The following ABTB3 variants were observed in gnomAD, a reference collection of about 807,000 sequenced individuals.
ABTB3 encodes ankyrin repeat- and BTB/POZ domain-containing protein 3.
the ABTB3 span, among the ~76,000 whole-genome samples, chr12:107,398,221 C>T: frequency 2.0e-5 from 3 of 152,080 alleles, no homozygotes; most frequent in Non-Finnish European, 2.9e-5. Context: ...CAGGGCCAGA[C>T]GCCACACCAC....
the ABTB3 span, among the ~76,000 whole-genome samples, chr12:107,382,581 T>C: frequency 6.6e-6 from 1 of 152,100 alleles, no homozygotes; most frequent in Non-Finnish European, 1.5e-5. Flanking sequence ...GGTTCAGCCA[T>C]AAAAAAGGAT....
the ABTB3 span, among the ~76,000 whole-genome samples, chr12:107,542,639 T>C: frequency 2.0e-5 from 3 of 152,170 alleles, no homozygotes; most frequent in Admixed American, 2.0e-4. Context: ...GTCAAAAATC[T>C]CTGTGTAACT....
the ABTB3 span, among the ~76,000 whole-genome samples, chr12:107,553,513 C>T: frequency 8.1e-3 from 1,226 of 152,156 alleles, 15 homozygotes; most frequent in Non-Finnish European, 0.013. Context: ...TATGCACCAC[C>T]GGGGGAGGAA....
chr12:107,553,738 AGACC>A, the ABTB3 span, among the ~76,000 whole-genome samples: 1 of 152,238 alleles, frequency 6.6e-6, no homozygotes, highest in Non-Finnish European at 1.5e-5. Context: ...CAGGAATTCA[AGACC>A]ATCCTGGCCA....
chr12:107,345,734 C>T, the ABTB3 span, among the ~76,000 whole-genome samples: 1 of 152,122 alleles, frequency 6.6e-6, no homozygotes, highest in African/African-American at 2.4e-5. Flanking sequence ...GTATTTTTCC[C>T]CAAAATTTGA....
chr12:107,416,462 GC>G, the ABTB3 span, among the ~76,000 whole-genome samples: 1 of 152,120 alleles, frequency 6.6e-6, no homozygotes, highest in Non-Finnish European at 1.5e-5. Context: ...AACCCCTGAG[GC>G]CCTGTGATCT....
At chr12:107,323,442 G>A in the ABTB3 span, among the ~76,000 whole-genome samples, 367 of 152,302 alleles carry the variant, frequency 2.4e-3, 6 homozygotes, top group East Asian at 0.049. Context: ...AGGGGCTCTC[G>A]AAAATCACAT....
chr12:107,425,959 C>T, the ABTB3 span, among the ~76,000 whole-genome samples: 6 of 152,232 alleles, frequency 3.9e-5, no homozygotes, highest in African/African-American at 4.8e-5. Flanking sequence ...TGGAGTTCAG[C>T]CTTCTGCAGA....
At chr12:107,594,532 TTTTATC>T in the ABTB3 span, among the ~76,000 whole-genome samples, 3 of 152,204 alleles carry the variant, frequency 2.0e-5, no homozygotes, top group African/African-American at 7.2e-5. Flanking sequence ...GATAATATAA[TTTTATC>T]TTTCTTTCTT....
the ABTB3 span, among the ~76,000 whole-genome samples, chr12:107,350,259 T>C: frequency 1.3e-5 from 2 of 151,910 alleles, no homozygotes; most frequent in Non-Finnish European, 2.9e-5. Context: ...ATGGTAAGAG[T>C]TCATTATTCT....
the ABTB3 span, among the ~76,000 whole-genome samples, chr12:107,559,595 T>C: frequency 1.3e-5 from 2 of 152,186 alleles, no homozygotes; most frequent in Non-Finnish European, 2.9e-5. Context: ...AATAGTGATA[T>C]TGACAGCTGC....
the ABTB3 span, among the ~76,000 whole-genome samples, chr12:107,595,388 A>G: frequency 6.6e-6 from 1 of 152,244 alleles, no homozygotes; most frequent in East Asian, 1.9e-4. Flanking sequence ...GCAAGAAAGC[A>G]GTAGGGAAAT....
the ABTB3 span, among the ~76,000 whole-genome samples, chr12:107,595,580 GA>G: frequency 6.6e-6 from 1 of 152,220 alleles, no homozygotes; most frequent in African/African-American, 2.4e-5. Flanking sequence ...TTGTTGACCA[GA>G]CAGCAGCATT....
At chr12:107,523,903 C>T in the ABTB3 span, among the ~76,000 whole-genome samples, 1 of 152,158 alleles carries the variant, frequency 6.6e-6, no homozygotes, top group South Asian at 2.1e-4. Flanking sequence ...GCCCTCACAC[C>T]ATGTGGCCCA....
the ABTB3 span, among the ~76,000 whole-genome samples, chr12:107,544,402 G>A: frequency 2.6e-5 from 4 of 152,198 alleles, no homozygotes; most frequent in Admixed American, 1.3e-4. Flanking sequence ...CAGAGGGTAA[G>A]GGCCTCTGCA....
chr12:107,359,715 C>T, the ABTB3 span, among the ~76,000 whole-genome samples: 1 of 152,070 alleles, frequency 6.6e-6, no homozygotes, highest in Non-Finnish European at 1.5e-5. Context: ...GTGCAGACCT[C>T]ATTTCTAAAC....
At chr12:107,457,207 C>T in the ABTB3 span, among the ~76,000 whole-genome samples, 1 of 152,188 alleles carries the variant, frequency 6.6e-6, no homozygotes, top group Admixed American at 6.5e-5. Context: ...CAAACCTGAA[C>T]ATTGTTCACA....
the ABTB3 span, chr12:107,642,174 G>A: frequency 6.2e-7 from 1 of 1,613,706 alleles, no homozygotes; most frequent in Non-Finnish European, 8.5e-7. Flanking sequence ...TCTTTCAGGT[G>A]AGCCCCTGGT....
the ABTB3 span, among the ~76,000 whole-genome samples, chr12:107,514,323 C>T: frequency 6.6e-6 from 1 of 152,100 alleles, no homozygotes; most frequent in African/African-American, 2.4e-5. Flanking sequence ...GACCCATAAA[C>T]CCTTTGGAGA....
Sources: allele counts gnomAD v4.1 joint callset (sites outside exome capture counted in the v4.1 genomes callset), GRCh38; gene constraint gnomAD v4.1.1; transcripts MANE v1.5; gene names NCBI Gene and HGNC (gene_info 2026-07-23, HGNC 2026-07-21).